CLCN3: variants seen among roughly 807,000 people sequenced by gnomAD.
The protein encoded by CLCN3 is H(+)/Cl(-) exchange transporter 3.
A neutral mutation model predicts 83.4 loss-of-function variants in CLCN3; 16 were observed. That is an observed-to-expected ratio of 0.19 (90% confidence interval 0.13 to 0.29). The LOEUF (loss-of-function observed/expected upper bound fraction) is 0.29. Among genes scored for constraint, CLCN3 ranks in the 10% least tolerant of loss-of-function variants. The pLI, the probability that CLCN3 is intolerant of heterozygous loss-of-function variation, is 1.00. For synonymous variants in CLCN3, 322 were observed against 346.2 expected, an observed-to-expected ratio of 0.93 and a Z score of 0.78; for missense variants, 544 against 1,006.0, an observed-to-expected ratio of 0.54 and a Z score of 6.21.
chr4:169,702,332 T>C (rs929793926), intron 9 of CLCN3, among the ~76,000 whole-genome samples: 2 of 152,166 alleles, frequency 1.3e-5, no homozygotes, highest in Admixed American at 6.5e-5. Flanking sequence ...ATTTCTTCAG[T>C]AAAACTTAAA....
chr4:169,635,969 A>G lies in CLCN3; in HGVS notation c.41A>G (p.Asn14Ser), dbSNP rs1057457298. The G allele has an allele frequency of 2.5e-6, 4 of 1,611,462 alleles. No individual in the cohort carries two copies. The African/African-American group carries it at 4.0e-5, about 16-fold the overall frequency. Reference sequence around the variant, plus strand: ...CTGTTCCATAGAGGCTACTATAGAAACAGCTACAACAGTATAACAAGTGCA... The same window carrying G: ...CTGTTCCATAGAGGCTACTATAGAAGCAGCTACAACAGTATAACAAGTGCA... ...EQLFHRGYYR[N>S]SYNSITSASS... Residue 14 changes from asparagine to serine, a missense_variant, in exon 2 of 13, where the codon AAC (asparagine) becomes AGC (serine). Coordinates refer to ENST00000513761, the MANE Select transcript of CLCN3 (RefSeq NM_001829.4).
intron 2 of CLCN3, chr4:169,663,539 T>A: frequency 3.1e-6 from 1 of 321,016 alleles, no homozygotes; most frequent in Non-Finnish European, 6.1e-6. Context: ...AGAGTCTCAC[T>A]ATGTTGTCCA....
At chr4:169,672,466 A>G (rs192976651) in intron 2 of CLCN3, among the ~76,000 whole-genome samples, 1 of 151,328 alleles carries the variant, frequency 6.6e-6, no homozygotes, top group Admixed American at 6.6e-5. Context: ...AGGAAAAAAG[A>G]GGAGATGTAC....
intron 1 of CLCN3, among the ~76,000 whole-genome samples, chr4:169,633,388 T>G (rs867910729): frequency 1.4e-4 from 21 of 152,246 alleles, no homozygotes; most frequent in African/African-American, 5.1e-4. Context: ...GAAATGATTA[T>G]AAGTATATTT....
chr4:169,713,838 TTCTC>T (rs1419575351), intron 12 of CLCN3, among the ~76,000 whole-genome samples: 7 of 152,232 alleles, frequency 4.6e-5, no homozygotes, highest in African/African-American at 1.7e-4. Context: ...TTGTCTACCT[TTCTC>T]TATACACAAA....
At chr4:169,653,731 C>T (rs770457964) in intron 2 of CLCN3, among the ~76,000 whole-genome samples, 1 of 151,004 alleles carries the variant, frequency 6.6e-6, no homozygotes, top group Non-Finnish European at 1.5e-5. Context: ...CTGGTGAGGG[C>T]CTCAGGAAGC....
intron 2 of CLCN3, among the ~76,000 whole-genome samples, chr4:169,650,901 A>G (rs1730713397): frequency 6.6e-6 from 1 of 152,160 alleles, no homozygotes; most frequent in African/African-American, 2.4e-5. Context: ...ATATAAGAGT[A>G]AGGTAATGCA....
intron 9 of CLCN3, among the ~76,000 whole-genome samples, chr4:169,698,369 C>T (rs557625261): frequency 6.6e-6 from 1 of 152,238 alleles, no homozygotes; most frequent in South Asian, 2.1e-4. Context: ...GGATCAATCA[C>T]GCATACTGTG....
At position 169,692,333 on chromosome 4, in the gene CLCN3, T is replaced by G; in HGVS notation, c.936+13T>G. 6.8e-7 allele frequency: 1 copy of G among 1,469,708 alleles called. No homozygotes were observed. Among genetic ancestry groups the G allele is most frequent in the Non-Finnish European group, 9.5e-7 (1 of 1,057,496 alleles). 91.0% of individuals were successfully genotyped at this position (1,469,708 alleles called of 1,614,324 possible). ...TAAAAAAAGGGAGGTAAGTGTCTTT[T>G]GTAGTTAATTTGACTGAAAAATATA... On this transcript the variant is annotated intron_variant, in intron 7 of 12. Transcript: ENST00000513761.
At chr4:169,659,731 T>G (rs1730986752) in intron 2 of CLCN3, among the ~76,000 whole-genome samples, 1 of 152,074 alleles carries the variant, frequency 6.6e-6, no homozygotes, top group African/African-American at 2.4e-5. Flanking sequence ...ATTTTTTTTT[T>G]ATTTTTAATA....
At chr4:169,660,134 C>G (rs1204443341) in intron 2 of CLCN3, 3 of 1,102,634 alleles carry the variant, frequency 2.7e-6, no homozygotes, top group Non-Finnish European at 3.3e-6. Flanking sequence ...GCTGTGCCGC[C>G]TCTAAGCCTT....
At chr4:169,632,141 G>A (rs143057922) in intron 1 of CLCN3, among the ~76,000 whole-genome samples, 2 of 152,220 alleles carry the variant, frequency 1.3e-5, no homozygotes, top group East Asian at 1.9e-4. Context: ...GATGAACATA[G>A]ATGTAAAAAC....
chr4:169,647,940 C>T (rs973586019), intron 2 of CLCN3, among the ~76,000 whole-genome samples: 3 of 152,164 alleles, frequency 2.0e-5, no homozygotes, highest in African/African-American at 7.2e-5. Context: ...TGATATGTGA[C>T]AAGAAGAGCA....
At chr4:169,624,936 T>C (rs137968407) in intron 1 of CLCN3, among the ~76,000 whole-genome samples, 7,735 of 152,020 alleles carry the variant, frequency 0.051, 263 homozygotes, top group Middle Eastern at 0.082. Context: ...GGATTACAGG[T>C]GCCCGCCACC....
intron 2 of CLCN3, among the ~76,000 whole-genome samples, chr4:169,649,387 T>A (rs551809604): frequency 2.0e-5 from 3 of 152,314 alleles, no homozygotes; most frequent in Admixed American, 1.3e-4. Context: ...AACTTTGTAA[T>A]TTAAGAAGAT....
chr4:169,692,301 A>G lies in CLCN3; in HGVS notation c.917A>G (p.Asn306Ser). The change falls in exon 7 of 13, where the codon AAC (asparagine) becomes AGC (serine). Residue 306 changes from asparagine to serine, a missense_variant. Coordinates refer to ENST00000513761, the MANE Select transcript of CLCN3 (RefSeq NM_001829.4). ...FSYLFPKYST[N>S]EAKKREVLSA... The stretch of plus-strand genomic sequence containing the variant: ...TACCTCTTTCCAAAGTATAGCACAA[A>G]CGAAGCTAAAAAAAGGGAGGTAAGT... 1 of 1,602,942 alleles carries G rather than the reference A, an allele frequency of 6.2e-7. No homozygotes were observed. The highest frequency in any genetic ancestry group is 8.5e-7 in the Non-Finnish European group (1 of 1,172,306).
chr4:169,637,247 A>G (rs1256241806), intron 2 of CLCN3, among the ~76,000 whole-genome samples: 1 of 152,002 alleles, frequency 6.6e-6, no homozygotes, highest in Non-Finnish European at 1.5e-5. Context: ...TTTTTCAGAT[A>G]CATGTACGGT....
At chr4:169,624,139 T>C (rs915144027) in intron 1 of CLCN3, among the ~76,000 whole-genome samples, 13 of 152,178 alleles carry the variant, frequency 8.5e-5, no homozygotes, top group African/African-American at 3.1e-4. Context: ...GGTATAGTAG[T>C]GACTTTTTTT....
intron 2 of CLCN3, chr4:169,660,031 T>C: frequency 1.0e-6 from 1 of 998,248 alleles, no homozygotes; most frequent in Non-Finnish European, 1.2e-6. Context: ...CTACCGAAGC[T>C]GTATTGTGAG....
Sources: gnomAD v4.1 joint callset for allele counts (sites outside exome capture counted in the v4.1 genomes callset) on GRCh38, gnomAD v4.1.1 for gene constraint, MANE v1.5 for transcripts, NCBI Gene and HGNC (gene_info 2026-07-23, HGNC 2026-07-21) for gene names.